CAB39: variants seen among roughly 807,000 people sequenced by gnomAD.
CAB39 encodes the protein calcium binding protein 39.
CAB39 carries 8 observed loss-of-function variants against 40.0 expected under a neutral mutation model. That is an observed-to-expected ratio of 0.20 (90% CI 0.12 to 0.36). The LOEUF is 0.36. Among genes scored for constraint, CAB39 ranks in the 10% least tolerant of loss-of-function variants. CAB39 has a pLI of 1.00. For synonymous variants in CAB39, 156 were observed against 141.6 expected (o/e 1.10, Z -0.72); for missense variants, 270 against 401.1 (o/e 0.67, Z 2.79).
chr2:230,794,607 C>T (rs1695948384), intron 4 of CAB39, among the ~76,000 whole-genome samples: 1 of 152,142 alleles, frequency 6.6e-6, no homozygotes, highest in Non-Finnish European at 1.5e-5. Flanking sequence ...CAGTTTAGAG[C>T]TCTCACCTGT....
chr2:230,740,924 G>A (rs1694865296), intron 1 of CAB39, among the ~76,000 whole-genome samples: 1 of 152,208 alleles, frequency 6.6e-6, no homozygotes, highest in African/African-American at 2.4e-5. Context: ...TGTTTTAGCT[G>A]TGTGGTGTGA....
intron 5 of CAB39, among the ~76,000 whole-genome samples, chr2:230,803,911 A>G (rs1696140283): frequency 1.3e-5 from 2 of 152,226 alleles, no homozygotes; most frequent in African/African-American, 2.4e-5. Flanking sequence ...TAAAGTTCAT[A>G]TGGAACCAAA....
intron 5 of CAB39, among the ~76,000 whole-genome samples, chr2:230,801,561 A>C (rs1296098320): frequency 1.3e-5 from 2 of 152,120 alleles, no homozygotes; most frequent in Non-Finnish European, 2.9e-5. Context: ...ACAGGTGCTG[A>C]GTCTTTAAAG....
At chr2:230,720,479 A>G (rs1026472546) in intron 1 of CAB39, among the ~76,000 whole-genome samples, 3 of 152,174 alleles carry the variant, frequency 2.0e-5, no homozygotes, top group African/African-American at 7.2e-5. Context: ...TCTGTCGCCC[A>G]GGCTGGAGTG....
intron 2 of CAB39, among the ~76,000 whole-genome samples, chr2:230,786,313 C>T (rs923423991): frequency 2.9e-5 from 4 of 139,488 alleles, no homozygotes; most frequent in South Asian, 4.6e-4. Context: ...CCATAAATAG[C>T]TTTCTAATTA....
intron 5 of CAB39, among the ~76,000 whole-genome samples, chr2:230,803,115 AAACAT>A (rs1696122147): frequency 6.6e-6 from 1 of 152,240 alleles, no homozygotes; most frequent in African/African-American, 2.4e-5. Flanking sequence ...GAAAATCAAT[AAACAT>A]AATCCGTCAC....
At chr2:230,818,283 T>C (rs1469612749) in intron 8 of CAB39, 5 of 509,718 alleles carry the variant, frequency 9.8e-6, no homozygotes, top group Non-Finnish European at 1.7e-5. Flanking sequence ...TACTAAACAC[T>C]GTGTTGCAGG....
At chr2:230,718,428 T>TATAC (rs1300607907) in intron 1 of CAB39, among the ~76,000 whole-genome samples, 1 of 152,170 alleles carries the variant, frequency 6.6e-6, no homozygotes, top group Non-Finnish European at 1.5e-5. Flanking sequence ...TACATGTCTG[T>TATAC]AGTTAAGGCC....
intron 4 of CAB39, among the ~76,000 whole-genome samples, chr2:230,796,603 G>A (rs1695991776): frequency 1.3e-5 from 2 of 151,962 alleles, no homozygotes; most frequent in Non-Finnish European, 1.5e-5. Context: ...AGTAAGAGCC[G>A]GTCAGCATTC....
At chr2:230,757,668 C>G (rs969948909) in intron 1 of CAB39, among the ~76,000 whole-genome samples, 9 of 152,270 alleles carry the variant, frequency 5.9e-5, no homozygotes, top group African/African-American at 1.9e-4. Flanking sequence ...CACCGTAACA[C>G]TTCCTGCAAA....
intron 5 of CAB39, among the ~76,000 whole-genome samples, chr2:230,806,219 A>G (rs1483948841): frequency 6.6e-6 from 1 of 152,242 alleles, no homozygotes; most frequent in African/African-American, 2.4e-5. Flanking sequence ...AGATGAGGAA[A>G]GTGAAGCCTA....
chr2:230,751,011 C>T (rs796981273), intron 1 of CAB39, among the ~76,000 whole-genome samples: 1 of 152,182 alleles, frequency 6.6e-6, no homozygotes, highest in Non-Finnish European at 1.5e-5. Flanking sequence ...AACACAGTAT[C>T]TGTAAATAGT....
chr2:230,757,719 T>C (rs1287126862), intron 1 of CAB39, among the ~76,000 whole-genome samples: 1 of 152,188 alleles, frequency 6.6e-6, no homozygotes, highest in Non-Finnish European at 1.5e-5. Context: ...ACTGCTATTA[T>C]TTGCAGAGTT....
chr2:230,752,027 CCACCCCCCCCCCCCCCACA>C (rs1362473315), intron 1 of CAB39: 1 of 41,050 alleles, frequency 2.4e-5, no homozygotes, highest in Admixed American at 2.0e-4. Flanking sequence ...CATATTCTGA[CCACCCCCCCCCCCCCCACA>C]TACACACCCC....
At chr2:230,779,311 C>T (rs1317122423) in intron 2 of CAB39, 1 of 152,186 alleles carries the variant, frequency 6.6e-6, no homozygotes, top group Non-Finnish European at 1.5e-5. Context: ...ACACTCCCAC[C>T]ACATACGGCT....
At chr2:230,743,680 T>G (rs1694922749) in intron 1 of CAB39, among the ~76,000 whole-genome samples, 1 of 152,202 alleles carries the variant, frequency 6.6e-6, no homozygotes, top group Non-Finnish European at 1.5e-5. Context: ...TTTAGAAGAG[T>G]ACTCGCTTTG....
At chr2:230,795,987 C>A (rs1695979858) in intron 4 of CAB39, among the ~76,000 whole-genome samples, 2 of 152,082 alleles carry the variant, frequency 1.3e-5, no homozygotes, top group Non-Finnish European at 2.9e-5. Flanking sequence ...TCATTACTTT[C>A]TTGTGTCCAA....
intron 1 of CAB39, among the ~76,000 whole-genome samples, chr2:230,753,668 C>G (rs993589633): frequency 6.7e-5 from 10 of 149,228 alleles, no homozygotes; most frequent in Non-Finnish European, 1.5e-4. Context: ...TGCTTGAACC[C>G]AGGAGGTGGA....
At chr2:230,766,994 C>T (rs192998154) in intron 2 of CAB39, among the ~76,000 whole-genome samples, 212 of 152,252 alleles carry the variant, frequency 1.4e-3, no homozygotes, top group African/African-American at 4.8e-3. Context: ...ACGCTGAACC[C>T]ATATGAAGAA....
Sources: allele counts gnomAD v4.1 joint callset (sites outside exome capture counted in the v4.1 genomes callset), GRCh38; gene constraint gnomAD v4.1.1; transcripts MANE v1.5; gene names NCBI Gene and HGNC (gene_info 2026-07-23, HGNC 2026-07-21).